Variants in FGF14 observed in about 807,000 individuals in gnomAD.
FGF14 encodes the protein fibroblast growth factor homologous factor 4.
Under a neutral mutation model 25.5 loss-of-function variants are expected in FGF14, and 5 were observed. The observed-to-expected ratio is 0.20, with a 90% CI of 0.10 to 0.41. The LOEUF (loss-of-function observed/expected upper bound fraction) is 0.41. Ranked by LOEUF, FGF14 falls within the 10% of genes least tolerant of loss-of-function variation. The probability of loss-of-function intolerance (pLI) is 1.00; values close to 1 mark genes in which losing one functional copy is unlikely to be tolerated. For missense variants in FGF14, 222 were observed against 320.1 expected, an observed-to-expected ratio of 0.69 and a Z score of 2.34; for synonymous variants, 138 against 118.3, an observed-to-expected ratio of 1.17 and a Z score of -1.08.
chr13:102,012,144 A>T (rs567899085), intron 1 of FGF14, among the ~76,000 whole-genome samples: 1 of 152,246 alleles, frequency 6.6e-6, no homozygotes, highest in African/African-American at 2.4e-5. Flanking sequence ...AATATAAACT[A>T]ATCAATTTGC....
intron 1 of FGF14, among the ~76,000 whole-genome samples, chr13:101,982,744 A>G (rs935808807): frequency 6.6e-6 from 1 of 152,200 alleles, no homozygotes; most frequent in Non-Finnish European, 1.5e-5. Flanking sequence ...TCTGTCCTGG[A>G]GAAAGAAAAA....
intron 1 of FGF14, among the ~76,000 whole-genome samples, chr13:101,979,949 C>G (rs954111258): frequency 1.3e-5 from 2 of 152,160 alleles, no homozygotes; most frequent in African/African-American, 4.8e-5. Flanking sequence ...AATTGCCAGT[C>G]AACACTAAAT....
chr13:102,352,680 T>C (rs892545508), intron 1 of FGF14, among the ~76,000 whole-genome samples: 16 of 151,780 alleles, frequency 1.1e-4, no homozygotes, highest in African/African-American at 1.9e-4. Context: ...GGGGCGGTGG[T>C]GGGCGCCTGT....
intron 4 of FGF14, among the ~76,000 whole-genome samples, chr13:101,724,597 A>AATTATATATAT (rs1555370377): frequency 1.6e-5 from 2 of 121,286 alleles, no homozygotes; most frequent in Admixed American, 8.4e-5. Flanking sequence ...ATAATAATAA[A>AATTATATATAT]ATATATATAT....
intron 2 of FGF14, among the ~76,000 whole-genome samples, chr13:101,871,102 C>A (rs1020769531): frequency 2.0e-5 from 3 of 152,022 alleles, no homozygotes; most frequent in Non-Finnish European, 4.4e-5. Context: ...ATGATGGAAC[C>A]GGTACTAGTT....
intron 1 of FGF14, among the ~76,000 whole-genome samples, chr13:101,952,050 A>G (rs1278969786): frequency 6.6e-6 from 1 of 152,246 alleles, no homozygotes; most frequent in Non-Finnish European, 1.5e-5. Flanking sequence ...AATTAAACCC[A>G]GTCAACATTT....
chr13:101,883,327 G>A (rs1280448645), intron 1 of FGF14, among the ~76,000 whole-genome samples: 2 of 152,138 alleles, frequency 1.3e-5, no homozygotes, highest in South Asian at 4.1e-4. Flanking sequence ...TCTATCTCTA[G>A]AATTCTGCAA....
At chr13:102,225,082 C>A (rs979047259) in intron 1 of FGF14, among the ~76,000 whole-genome samples, 2 of 152,086 alleles carry the variant, frequency 1.3e-5, no homozygotes, top group Non-Finnish European at 2.9e-5. Context: ...CCCTGTCTTA[C>A]CTCTTGATTT....
chr13:102,318,310 C>T (rs143327619), intron 1 of FGF14, among the ~76,000 whole-genome samples: 57 of 152,280 alleles, frequency 3.7e-4, no homozygotes, highest in Non-Finnish European at 6.6e-4. Flanking sequence ...AACTGCGTAT[C>T]CTCAGCCTTA....
At chr13:101,953,207 G>C (rs2139404685) in intron 1 of FGF14, among the ~76,000 whole-genome samples, 1 of 152,206 alleles carries the variant, frequency 6.6e-6, no homozygotes, top group East Asian at 1.9e-4. Flanking sequence ...CACCTGTTCT[G>C]TTTGCACAGA....
intron 1 of FGF14, among the ~76,000 whole-genome samples, chr13:101,946,293 C>T (rs958945820): frequency 6.0e-5 from 9 of 150,974 alleles, no homozygotes; most frequent in African/African-American, 1.5e-4. Flanking sequence ...CTCTGTTGTC[C>T]CCACATCTAC....
intron 1 of FGF14, among the ~76,000 whole-genome samples, chr13:101,984,513 A>G (rs2038452861): frequency 6.6e-6 from 1 of 152,210 alleles, no homozygotes; most frequent in African/African-American, 2.4e-5. Context: ...TGAATAAAAT[A>G]TATTTTACTA....
rs539756907 is a variant in FGF14 at position 101,934,635 on chromosome 13, T to C, written c.209-59339A>G. Among the ~76,000 whole-genome samples the C allele has an allele frequency of 3.6e-4, 55 of 152,338 alleles. No homozygotes were observed. The South Asian group carries it at 4.8e-3, about 13-fold the overall frequency. On this transcript the variant is annotated intron_variant, in intron 1 of 4. Coordinates refer to the FGF14 transcript ENST00000376131. ...AAAATAAACAAATAAGAACATTAAT[T>C]CAAATGAACATCAGAAAAACCCATT...
At chr13:102,392,591 AAC>A (rs1253805610) in intron 1 of FGF14, among the ~76,000 whole-genome samples, 1 of 152,172 alleles carries the variant, frequency 6.6e-6, no homozygotes, top group Non-Finnish European at 1.5e-5. Context: ...CCTCAATATA[AAC>A]AGTCAGAAGA....
At chr13:101,904,487 T>A (rs1165744008) in intron 1 of FGF14, among the ~76,000 whole-genome samples, 1 of 152,166 alleles carries the variant, frequency 6.6e-6, no homozygotes, top group African/African-American at 2.4e-5. Context: ...CAGTTATTGC[T>A]AAAAAATGGA....
In FGF14 at chr13:101,826,060, A is replaced by G. The variant is rs530113727; in HGVS notation, c.408+42665T>C. On this transcript the variant is annotated intron_variant, in intron 3 of 4. Transcript: ENST00000376143. ...TATAATTCAGTTTATATACAAATGC[A>G]TATCTGTGTAACTTTTATCTATCAT... is the stretch of plus-strand genomic sequence containing the variant. Among the ~76,000 whole-genome samples the G allele has an allele frequency of 9.9e-5, 15 of 152,260 alleles. No individual in the cohort carries two copies. In the South Asian group the frequency reaches 3.1e-3, roughly 32 times the overall value.
chr13:101,763,732 C>G (rs1313758214), intron 3 of FGF14, among the ~76,000 whole-genome samples: 1 of 152,098 alleles, frequency 6.6e-6, no homozygotes, highest in African/African-American at 2.4e-5. Flanking sequence ...TGGTGATGCA[C>G]ACCCGTAATC....
chr13:101,842,125 T>A (rs978808870), intron 3 of FGF14, among the ~76,000 whole-genome samples: 1 of 152,040 alleles, frequency 6.6e-6, no homozygotes, highest in Non-Finnish European at 1.5e-5. Context: ...TGCTGAAGTA[T>A]TTTAGATACA....
chr13:102,035,504 G>A lies in FGF14; in HGVS notation c.209-160208C>T, dbSNP rs1486111002. 4.6e-5 allele frequency among the ~76,000 whole-genome samples: 7 copies of A among 152,244 alleles called. No individual in the cohort carries two copies. In the East Asian group the frequency reaches 1.4e-3, roughly 29 times the overall value. On this transcript the variant is annotated intron_variant, in intron 1 of 4. Transcript: ENST00000376131. ...AGTCCCATGTGGCCTTGTAGAAGGT[G>A]TGACTACTGGTACCACTGGATGACT...
Sources: gnomAD v4.1 joint callset for allele counts (sites outside exome capture counted in the v4.1 genomes callset) on GRCh38, gnomAD v4.1.1 for gene constraint, MANE v1.5 for transcripts, NCBI Gene and HGNC (gene_info 2026-07-23, HGNC 2026-07-21) for gene names.